The following PC variants were observed in gnomAD, a reference collection of about 807,000 sequenced individuals.
PC encodes pyruvate carboxylase, also known as pyruvate carboxylase, mitochondrial.
In PC, 46 loss-of-function variants were observed where a neutral mutation model predicts 107.8. The observed-to-expected ratio is 0.43, with a 90% confidence interval of 0.34 to 0.55. PC has a LOEUF of 0.55. Ranked by LOEUF, PC falls within the 20% of genes least tolerant of loss-of-function variation. The pLI is 0.04. For synonymous variants in PC, 662 were observed against 684.7 expected (o/e 0.97, Z 0.52); for missense variants, 1,241 against 1,643.1 (o/e 0.76, Z 4.23).
At chr11:66,898,815 T>C (rs1032955180) in intron 3 of PC, among the ~76,000 whole-genome samples, 6 of 152,212 alleles carry the variant, frequency 3.9e-5, no homozygotes, top group Non-Finnish European at 7.3e-5. Context: ...CCCTCAGCCC[T>C]TGGCAACCAC....
rs761749099 is a variant in PC, at chr11:66,866,159, C to T, written c.1185+28G>A. On this transcript the variant is annotated intron_variant, in intron 11 of 22. Coordinates refer to ENST00000393960, the MANE Select transcript of PC (RefSeq NM_001040716.2). This position sits in a 1 kb window ranked among gnomAD's most constrained non-coding sequence, Gnocchi z 5.4. ...CAGAACCTGTGCACAGGTGAGCTGG[C>T]ATCTCCCTCTGCTCGAGCTCCGCCC... The T allele has an allele frequency of 4.4e-6, 7 of 1,599,896 alleles. No individual in the cohort carries two copies. The highest frequency in any genetic ancestry group is 5.9e-6 in the Non-Finnish European group (7 of 1,177,492).
Position 66,857,526 on chromosome 11 carries a change from C to A in PC, c.1369-4143G>T. 1 of 569,506 alleles carries A rather than the reference C, an allele frequency of 1.8e-6. No homozygotes were observed. The highest frequency in any genetic ancestry group is 3.1e-6 in the Non-Finnish European group (1 of 323,382). 35.3% of individuals were successfully genotyped at this position (569,506 alleles called of 1,614,324 possible). ...CCTTGTCCCCAGCGCCTGGACTCCC[C>A]CTTAACTGCTTGGGAAATGTGACCT... On this transcript the variant is annotated intron_variant, in intron 12 of 22. Coordinates refer to ENST00000393960, the MANE Select transcript of PC (RefSeq NM_001040716.2). The surrounding 1 kb of genome is among the most constrained non-coding windows in gnomAD (Gnocchi z 7.1).
intron 3 of PC, among the ~76,000 whole-genome samples, chr11:66,880,094 AT>A (rs1947131758): frequency 6.6e-6 from 1 of 152,198 alleles, no homozygotes; most frequent in Non-Finnish European, 1.5e-5. Flanking sequence ...ACACCACTGC[AT>A]TCCCAGGGCG....
At chr11:66,853,957 G>A (rs1384628124) in intron 12 of PC, among the ~76,000 whole-genome samples, 1 of 152,232 alleles carries the variant, frequency 6.6e-6, no homozygotes, top group East Asian at 1.9e-4. Flanking sequence ...AGACCCAGAG[G>A]TGCAACTGCC....
chr11:66,940,319 C>G (rs924299342), intron 3 of PC, among the ~76,000 whole-genome samples: 8 of 151,594 alleles, frequency 5.3e-5, no homozygotes, highest in Admixed American at 6.6e-5. Context: ...CCACTTCAGT[C>G]TCCCTGGTAG....
chr11:66,948,029 A>T (rs556263508), intron 3 of PC, among the ~76,000 whole-genome samples: 1 of 150,598 alleles, frequency 6.6e-6, no homozygotes, highest in South Asian at 2.1e-4. Flanking sequence ...ATAGATAGAT[A>T]GATAGATAGA....
chr11:66,900,466 CTTCT>C (rs574622390), intron 3 of PC, among the ~76,000 whole-genome samples: 24 of 152,192 alleles, frequency 1.6e-4, no homozygotes, highest in African/African-American at 5.3e-4. Flanking sequence ...CCAGCCTGTT[CTTCT>C]TTCTTAAGAT....
At position 66,925,937 on chromosome 11, in the gene PC, A is replaced by G. The variant is rs896368176; in HGVS notation, c.-1+26493T>C. Among the ~76,000 whole-genome samples, 7 of 152,152 alleles carry G rather than the reference A, an allele frequency of 4.6e-5. No homozygotes were observed. The East Asian group carries it at 5.8e-4, about 13-fold the overall frequency. On this transcript the variant is annotated intron_variant, in intron 3 of 22. Coordinates refer to ENST00000393960, the MANE Select transcript of PC (RefSeq NM_001040716.2). ...GGGAGGGGAGTTAAAAAAAAAAAAA[A>G]AAGAAGGCAATGGCATCATACATCG...
rs1565246749 is a variant in PC at position 66,871,947 on chromosome 11, T to C, written c.137-76A>G. ...GAAAGGGGAGTGGGAAGCCAGGGCC[T>C]GGGGCAGTGAGTGGGAGAAGAATGC... On this transcript the variant is annotated intron_variant, in intron 4 of 22. Coordinates refer to ENST00000393960, the MANE Select transcript of PC (RefSeq NM_001040716.2). The surrounding 1 kb of genome is among the most constrained non-coding windows in gnomAD (Gnocchi z 7.4). 185 of 1,569,816 alleles carry C rather than the reference T, an allele frequency of 1.2e-4. No individual in the cohort carries two copies. Among genetic ancestry groups the C allele is most frequent in the Non-Finnish European group, 1.6e-4 (182 of 1,158,022 alleles).
chr11:66,852,813 T>C lies in PC; in HGVS notation c.1537A>G (p.Thr513Ala), dbSNP rs1477870472. Residue 513 changes from threonine (T) to alanine (A), a missense_variant, in exon 14 of 23, where the codon ACC becomes GCC. By Grantham distance (58) the Thr-to-Ala change is moderately conservative (BLOSUM62 0). Coordinates refer to ENST00000393960, the MANE Select transcript of PC (RefSeq NM_001040716.2). The surrounding 1 kb of genome is among the most constrained non-coding windows in gnomAD (Gnocchi z 4.7). The part of the protein sequence containing the change: ...YLGHVMVNGP[T>A]TPIPVKASPS... ...CTGGCCTTGACGGGAATCGGGGTGG[T>C]TGGACCGTTTACCATGACATGGCCT... The C allele has an allele frequency of 2.5e-6, 4 of 1,580,666 alleles. No homozygotes were observed. Among genetic ancestry groups the C allele is most frequent in the Non-Finnish European group, 3.4e-6 (4 of 1,159,916 alleles).
At chr11:66,935,896 C>T (rs1948988446) in intron 3 of PC, among the ~76,000 whole-genome samples, 1 of 152,010 alleles carries the variant, frequency 6.6e-6, no homozygotes, top group Non-Finnish European at 1.5e-5. Context: ...TGAGACCAGC[C>T]TGGGCAACAC....
chr11:66,877,839 G>GT (rs569130918), intron 3 of PC, among the ~76,000 whole-genome samples: 9 of 152,254 alleles, frequency 5.9e-5, no homozygotes, highest in East Asian at 1.9e-4. Context: ...ATCTCATGAA[G>GT]TTTTTTTAAA....
At chr11:66,923,445 A>G (rs1355838456) in intron 3 of PC, among the ~76,000 whole-genome samples, 1 of 151,708 alleles carries the variant, frequency 6.6e-6, no homozygotes, top group African/African-American at 2.4e-5. Context: ...GGAAAGAGAA[A>G]AGAGACCCAT....
At chr11:66,951,522 G>A (rs553132939) in intron 3 of PC, among the ~76,000 whole-genome samples, 19 of 152,252 alleles carry the variant, frequency 1.2e-4, no homozygotes, top group East Asian at 7.7e-4. Flanking sequence ...TGGGGAGGCC[G>A]AAGAGGGCGG....
chr11:66,943,780 A>G, intron 3 of PC, among the ~76,000 whole-genome samples: 1 of 146,914 alleles, frequency 6.8e-6, no homozygotes. Context: ...AAAAAAAAAA[A>G]AAAAAGAAAT....
At chr11:66,877,119 C>G (rs1369282513) in intron 3 of PC, among the ~76,000 whole-genome samples, 1 of 152,210 alleles carries the variant, frequency 6.6e-6, no homozygotes, top group Non-Finnish European at 1.5e-5. Context: ...GGCGCGGTGG[C>G]TCACGCCTGT....
In PC at chr11:66,928,782, C is replaced by G. The variant is rs190603074; in HGVS notation, c.-1+23648G>C. Among the ~76,000 whole-genome samples the G allele has an allele frequency of 1.9e-3, 285 of 152,228 alleles. 1 individual carries two copies. The highest frequency in any genetic ancestry group is 6.7e-3 in the African/African-American group (277 of 41,534). ...TCAAGTGATCCACCTACCTCCGACT[C>G]CCAAAGTGCTGGGATTACAAGCATG... On this transcript the variant is annotated intron_variant, in intron 3 of 22. Coordinates refer to ENST00000393960, the MANE Select transcript of PC (RefSeq NM_001040716.2).
Position 66,858,001 on chromosome 11 carries a change from G to A in PC, c.1369-4618C>T. The A allele has an allele frequency of 1.9e-6, 3 of 1,612,336 alleles. No homozygotes were observed. The highest frequency in any genetic ancestry group is 2.5e-6 in the Non-Finnish European group (3 of 1,179,938). On this transcript the variant is annotated intron_variant, in intron 12 of 22. Transcript: ENST00000393960. The surrounding 1 kb of genome is among the most constrained non-coding windows in gnomAD (Gnocchi z 5.9). ...ACACTGTCTCGCAATGCCATCACCC[G>A]CATTGGGGCCCGCGCCTTTGGGGAC...
chr11:66,925,798 A>C (rs912126713), intron 3 of PC, among the ~76,000 whole-genome samples: 1 of 152,186 alleles, frequency 6.6e-6, no homozygotes, highest in Non-Finnish European at 1.5e-5. Context: ...GACATAAGAA[A>C]TAAAAGTATT....
Sources: allele counts gnomAD v4.1 joint callset (sites outside exome capture counted in the v4.1 genomes callset), GRCh38; gene constraint gnomAD v4.1.1; non-coding constraint Gnocchi (gnomAD v3.1); transcripts MANE v1.5; gene names NCBI Gene and HGNC (gene_info 2026-07-23, HGNC 2026-07-21).